Variants in HRH1 observed in about 807,000 individuals in gnomAD.
HRH1 encodes the protein histamine receptor H1.
HRH1 carries 6 observed loss-of-function variants against 10.3 expected under a neutral mutation model. The observed-to-expected ratio is 0.58, with a 90% confidence interval of 0.32 to 1.15. The LOEUF (loss-of-function observed/expected upper bound fraction) is 1.15. Ranked by LOEUF, HRH1 falls within the 50% of genes most tolerant of loss-of-function variation. HRH1 has a pLI of 0.05. For missense variants in HRH1, 514 were observed against 615.3 expected, an observed-to-expected ratio of 0.84 and a Z score of 1.74; for synonymous variants, 242 against 236.7, an observed-to-expected ratio of 1.02 and a Z score of -0.21.
intron 1 of HRH1, chr3:11,253,366 A>G (rs1939701088): frequency 6.6e-6 from 1 of 152,176 alleles, no homozygotes; most frequent in African/African-American, 2.4e-5. Flanking sequence ...CATTTGGGAC[A>G]TTGTCTTTCA....
chr3:11,160,548 T>G (rs1411916210), intron 1 of HRH1, among the ~76,000 whole-genome samples: 1 of 139,362 alleles, frequency 7.2e-6, no homozygotes, highest in African/African-American at 3.1e-5. Context: ...TCTCACATAC[T>G]TAACCAAGGT....
At chr3:11,139,839 A>T (rs1440663563) in intron 1 of HRH1, among the ~76,000 whole-genome samples, 1 of 151,468 alleles carries the variant, frequency 6.6e-6, no homozygotes, top group East Asian at 1.9e-4. Flanking sequence ...AAGGGGGGGA[A>T]TTAGGAGTTA....
chr3:11,228,077 T>A (rs534456515), intron 1 of HRH1, among the ~76,000 whole-genome samples: 3 of 152,348 alleles, frequency 2.0e-5, no homozygotes, highest in African/African-American at 7.2e-5. Flanking sequence ...ACTCTGAATG[T>A]GGTCATGTTG....
At chr3:11,210,593 G>T (rs2125033809) in intron 1 of HRH1, among the ~76,000 whole-genome samples, 1 of 152,118 alleles carries the variant, frequency 6.6e-6, no homozygotes, top group African/African-American at 2.4e-5. Flanking sequence ...GGTGTTTGAG[G>T]CCAGCCTGGG....
chr3:11,244,940 G>A (rs1428971288), intron 1 of HRH1, among the ~76,000 whole-genome samples: 1 of 152,112 alleles, frequency 6.6e-6, no homozygotes, highest in African/African-American at 2.4e-5. Context: ...TGCAGCTACT[G>A]GCATCAAGTG....
At chr3:11,147,401 T>A (rs948151425) in intron 1 of HRH1, among the ~76,000 whole-genome samples, 1 of 152,196 alleles carries the variant, frequency 6.6e-6, no homozygotes, top group African/African-American at 2.4e-5. Flanking sequence ...GAGATAGGAC[T>A]ATGAACATCC....
At chr3:11,245,988 CCACA>C (rs1012307054) in intron 1 of HRH1, among the ~76,000 whole-genome samples, 5 of 112,170 alleles carry the variant, frequency 4.5e-5, no homozygotes, top group Non-Finnish European at 1.9e-5. Flanking sequence ...TACTCAAAAA[CCACA>C]CACACACTTA....
In HRH1 at chr3:11,148,180, C is replaced by CA. The variant is rs58792725; in HGVS notation, c.-36+10799dup. ...AGCAACAGAGTGAGACTCTGTCAAA[C>CA]AAAAAAAAAAAAAAAAAAGAAAAGA... On this transcript the variant is annotated intron_variant, in intron 1 of 1. Transcript: ENST00000438284. Among the ~76,000 whole-genome samples the CA allele has an allele frequency of 9.0e-3, 774 of 85,928 alleles. 4 individuals carry two copies. Among genetic ancestry groups the CA allele is most frequent in the Non-Finnish European group, 0.012 (493 of 39,546 alleles). The allele number at this position is 85,928 out of a possible 152,430, so 56.4% of individuals were successfully genotyped here.
chr3:11,235,201 TGA>T (rs1157194272), intron 1 of HRH1, among the ~76,000 whole-genome samples: 1 of 149,966 alleles, frequency 6.7e-6, no homozygotes, highest in African/African-American at 2.5e-5. Flanking sequence ...GGTGACAGAG[TGA>T]GACTCCATCT....
intron 1 of HRH1, among the ~76,000 whole-genome samples, chr3:11,200,397 G>GA (rs1307092868): frequency 1.3e-5 from 2 of 152,194 alleles, no homozygotes. Context: ...AGACCATATG[G>GA]TCTGTGACTG....
chr3:11,219,254 C>T (rs1938615464), intron 1 of HRH1, among the ~76,000 whole-genome samples: 2 of 152,134 alleles, frequency 1.3e-5, no homozygotes, highest in African/African-American at 4.8e-5. Flanking sequence ...TCCAGAAAAC[C>T]ATACAAACCT....
At chr3:11,180,021 C>T (rs1372408172) in intron 1 of HRH1, among the ~76,000 whole-genome samples, 1 of 152,096 alleles carries the variant, frequency 6.6e-6, no homozygotes, top group Admixed American at 6.6e-5. Flanking sequence ...CCTTGGCCTC[C>T]CAAAGCGCTG....
chr3:11,208,938 C>G (rs1000998218), intron 1 of HRH1, among the ~76,000 whole-genome samples: 1 of 152,178 alleles, frequency 6.6e-6, no homozygotes, highest in African/African-American at 2.4e-5. Context: ...GTAAAAGCTA[C>G]AAAACTGCCC....
At chr3:11,182,064 C>T (rs1266342182) in intron 1 of HRH1, among the ~76,000 whole-genome samples, 3 of 152,100 alleles carry the variant, frequency 2.0e-5, no homozygotes, top group African/African-American at 7.2e-5. Context: ...CTCACTGCAA[C>T]CTCCGCCTCC....
chr3:11,186,918 A>G (rs1937460062), intron 1 of HRH1, among the ~76,000 whole-genome samples: 1 of 152,206 alleles, frequency 6.6e-6, no homozygotes, highest in Non-Finnish European at 1.5e-5. Flanking sequence ...ATGGGCTTGG[A>G]GCAATTGAAG....
chr3:11,195,302 C>G (rs1325013665), intron 1 of HRH1, among the ~76,000 whole-genome samples: 1 of 152,220 alleles, frequency 6.6e-6, no homozygotes. Context: ...TCAGTTTCCT[C>G]TTAGACCCTT....
upstream of HRH1, among the ~76,000 whole-genome samples, chr3:11,154,265 T>C (rs1936722796): frequency 6.6e-6 from 1 of 151,878 alleles, no homozygotes. The surrounding 1 kb of genome is among the most constrained non-coding windows in gnomAD (Gnocchi z 4.4). Context: ...GCTCCAAACC[T>C]GGGGCGCGAG....
At chr3:11,223,023 A>G (rs1015659574) in intron 1 of HRH1, among the ~76,000 whole-genome samples, 2 of 151,918 alleles carry the variant, frequency 1.3e-5, no homozygotes, top group Non-Finnish European at 1.5e-5. Flanking sequence ...CACCTCTACT[A>G]AAAATACAAA....
chr3:11,163,876 G>A (rs34147214), intron 1 of HRH1, among the ~76,000 whole-genome samples: 10,439 of 152,040 alleles, frequency 0.069, 625 homozygotes, highest in African/African-American at 0.16. Context: ...GGCTGGATTA[G>A]GATCCTTCTC....
Sources: allele counts gnomAD v4.1 joint callset (sites outside exome capture counted in the v4.1 genomes callset), GRCh38; gene constraint gnomAD v4.1.1; non-coding constraint Gnocchi (gnomAD v3.1); transcripts MANE v1.5; gene names NCBI Gene and HGNC (gene_info 2026-07-23, HGNC 2026-07-21).